Variants in CYYR1 observed in about 807,000 individuals in gnomAD.
CYYR1 encodes the protein cysteine and tyrosine-rich protein 1.
CYYR1 carries 14 observed loss-of-function variants against 15.2 expected under a neutral mutation model. The ratio of observed to expected loss-of-function variants is 0.92; its 90% CI spans 0.61 to 1.44. The LOEUF (loss-of-function observed/expected upper bound fraction) is 1.44. Ranked by LOEUF, CYYR1 falls within the 40% of genes most tolerant of loss-of-function variation. The probability of loss-of-function intolerance (pLI) is 0.00; values close to 1 mark genes in which losing one functional copy is unlikely to be tolerated. For missense variants in CYYR1, 228 were observed against 209.5 expected (o/e 1.09, Z -0.54); for synonymous variants, 80 against 77.4 (o/e 1.03, Z -0.18).
chr21:26,516,830 TGG>T (rs71329839), intron 2 of CYYR1, among the ~76,000 whole-genome samples: 1 of 151,924 alleles, frequency 6.6e-6, no homozygotes. Flanking sequence ...AAGAATTCAC[TGG>T]GGGCCGGGCG....
chr21:26,547,054 T>C (rs1457935067), intron 2 of CYYR1, among the ~76,000 whole-genome samples: 1 of 152,114 alleles, frequency 6.6e-6, no homozygotes, highest in African/African-American at 2.4e-5. Flanking sequence ...TTTTTCTGGT[T>C]AGGGAGCCAG....
chr21:26,480,565 CTTT>C, intron 2 of CYYR1, 136 bp from the exon 3 acceptor site: 2 of 593,090 alleles, frequency 3.4e-6, no homozygotes, highest in Non-Finnish European at 5.1e-6. Context: ...TTTTTCTTTT[CTTT>C]TTTTTTTTAA....
intron 2 of CYYR1, among the ~76,000 whole-genome samples, chr21:26,512,966 A>G (rs1218738190): frequency 6.6e-6 from 1 of 152,156 alleles, no homozygotes; most frequent in Non-Finnish European, 1.5e-5. Context: ...ATTTTTCACA[A>G]TCTGGATGCA....
intron 2 of CYYR1, among the ~76,000 whole-genome samples, chr21:26,512,302 G>T (rs934930140): frequency 2.0e-5 from 3 of 152,010 alleles, no homozygotes; most frequent in Non-Finnish European, 4.4e-5. Flanking sequence ...GGGTCCAAGC[G>T]ATTCTCCTGC....
At chr21:26,516,933 G>T (rs2065734953) in intron 2 of CYYR1, among the ~76,000 whole-genome samples, 2 of 150,998 alleles carry the variant, frequency 1.3e-5, no homozygotes, top group Non-Finnish European at 2.9e-5. Flanking sequence ...GGCTAACACG[G>T]TGAAACCCCG....
Position 26,503,960 on chromosome 21 carries a change from C to G in CYYR1, c.177-23531G>C, listed in dbSNP as rs2065517340. 2.0e-5 allele frequency among the ~76,000 whole-genome samples: 3 copies of G among 151,966 alleles called. No individual in the cohort carries two copies. In the South Asian group the frequency reaches 6.3e-4, roughly 32 times the overall value. ...AAAGGCTTTACGTATATTTTGAACTCTATTATGTATTATCGTTCTCTGTGG... is the reference window on the plus strand; with the variant it reads ...AAAGGCTTTACGTATATTTTGAACTGTATTATGTATTATCGTTCTCTGTGG... On this transcript the variant is annotated intron_variant, in intron 2 of 3. Coordinates refer to ENST00000652641, the MANE Select transcript of CYYR1 (RefSeq NM_001320768.2).
Position 26,545,567 on chromosome 21 carries a change from C to CTTTTTTTTT in CYYR1, c.176+20690_176+20698dup, listed in dbSNP as rs770885517. ...CCTTCTGGTTAATAAGATGCTTATT[C>CTTTTTTTTT]TTTTTTTTTTTTTTTTTTTTTTTTT... On this transcript the variant is annotated intron_variant, in intron 2 of 3. Coordinates refer to ENST00000652641, the MANE Select transcript of CYYR1 (RefSeq NM_001320768.2). 4.7e-3 allele frequency among the ~76,000 whole-genome samples: 350 copies of CTTTTTTTTT among 73,748 alleles called. 56 individuals are homozygous for CTTTTTTTTT. Among genetic ancestry groups the CTTTTTTTTT allele is most frequent in the African/African-American group, 0.015 (256 of 16,978 alleles). The allele number at this position is 73,748 out of a possible 152,430, so 48.4% of individuals were successfully genotyped here.
chr21:26,568,348 A>G (rs1980784745), intron 1 of CYYR1: 1 of 152,210 alleles, frequency 6.6e-6, no homozygotes, highest in Non-Finnish European at 1.5e-5. Flanking sequence ...AGTCAGCAAA[A>G]ATAAGCAATG....
At chr21:26,481,564 C>CT (rs897005409) in intron 2 of CYYR1, among the ~76,000 whole-genome samples, 2 of 151,958 alleles carry the variant, frequency 1.3e-5, no homozygotes, top group Admixed American at 1.3e-4. Context: ...TGATCTTGTT[C>CT]TTTTTTATGG....
At chr21:26,523,251 A>G (rs187182292) in intron 2 of CYYR1, among the ~76,000 whole-genome samples, 21 of 152,254 alleles carry the variant, frequency 1.4e-4, no homozygotes, top group Admixed American at 7.9e-4. Flanking sequence ...TGCTACCTCT[A>G]AAACATATTC....
At chr21:26,506,256 C>T (rs1461725395) in intron 2 of CYYR1, among the ~76,000 whole-genome samples, 2 of 152,288 alleles carry the variant, frequency 1.3e-5, no homozygotes, top group African/African-American at 4.8e-5. Context: ...AATTCTAGGT[C>T]ACCACGCCTC....
intron 2 of CYYR1, among the ~76,000 whole-genome samples, chr21:26,481,564 C>A (rs1325759451): frequency 6.6e-6 from 1 of 151,958 alleles, no homozygotes; most frequent in Non-Finnish European, 1.5e-5. Context: ...TGATCTTGTT[C>A]TTTTTTATGG....
chr21:26,543,725 G>A (rs1978743840), intron 2 of CYYR1, among the ~76,000 whole-genome samples: 1 of 152,112 alleles, frequency 6.6e-6, no homozygotes, highest in African/African-American at 2.4e-5. Flanking sequence ...GACCAACAAG[G>A]TAAAACCCCG....
At chr21:26,530,363 C>A (rs1005165249) in intron 2 of CYYR1, among the ~76,000 whole-genome samples, 3 of 151,886 alleles carry the variant, frequency 2.0e-5, no homozygotes, top group African/African-American at 7.2e-5. Context: ...GCATTTTCTG[C>A]AAATGTTGCC....
At chr21:26,530,776 T>C (rs2065921904) in intron 2 of CYYR1, among the ~76,000 whole-genome samples, 1 of 152,204 alleles carries the variant, frequency 6.6e-6, no homozygotes, top group African/African-American at 2.4e-5. Context: ...TCCATGTGCC[T>C]GCAAAGGACA....
chr21:26,506,890 G>A (rs754041924), intron 2 of CYYR1, among the ~76,000 whole-genome samples: 2 of 152,014 alleles, frequency 1.3e-5, no homozygotes, highest in African/African-American at 2.4e-5. Flanking sequence ...AGGATCCTGG[G>A]TTTAAAAAGC....
In CYYR1 at chr21:26,468,643, G is replaced by A. The variant is rs2064997270; in HGVS notation, c.335-9C>T. ...GTAGGGTGGTGGTCCTGCTGAAAAA[G>A]AAGGGGAAGAGAACATCAAGGAGTT... On this transcript the variant is annotated splice_polypyrimidine_tract_variant and intron_variant, in intron 3 of 3. Transcript: ENST00000652641. The A allele has an allele frequency of 6.3e-7, 1 of 1,585,488 alleles. No homozygotes were observed. The highest frequency in any genetic ancestry group is 1.7e-5 in the Admixed American group (1 of 57,844).
At chr21:26,474,408 C>CT (rs35912064) in intron 3 of CYYR1, among the ~76,000 whole-genome samples, 49,182 of 125,492 alleles carry the variant, frequency 0.39, 9,845 homozygotes, top group African/African-American at 0.42. Flanking sequence ...TACACCGTGC[C>CT]TTTTTTTTTT....
chr21:26,566,319 A>G lies in CYYR1; in HGVS notation c.123T>C (p.Asp41=). 1 of 1,613,978 alleles carries G rather than the reference A, an allele frequency of 6.2e-7. No individual in the cohort carries two copies. ...CGKDCKSYCC[D]GTTPYCCSYY... is the part of the protein sequence containing the mutation. ...AGGAGCAACAGTAGGGCGTGGTTCC[A>G]TCACAGCAGTAAGATTTGCAATCTT... Residue 41 remains aspartate, a synonymous_variant, in exon 2 of 4, where the codon GAT becomes GAC. Transcript: ENST00000652641.
Sources: gnomAD v4.1 joint callset for allele counts (sites outside exome capture counted in the v4.1 genomes callset) on GRCh38, gnomAD v4.1.1 for gene constraint, MANE v1.5 for transcripts, NCBI Gene and HGNC (gene_info 2026-07-23, HGNC 2026-07-21) for gene names.